The following ACSL5 variants were observed in gnomAD, a reference collection of about 807,000 sequenced individuals.
The protein encoded by ACSL5 is long-chain-fatty-acid--CoA ligase 5.
In ACSL5, 50 loss-of-function variants were observed where a neutral mutation model predicts 84.9. That is an observed-to-expected ratio of 0.59 (90% CI 0.47 to 0.75). The LOEUF is 0.75. Among genes scored for constraint, ACSL5 ranks in the 30% least tolerant of loss-of-function variants. The probability of loss-of-function intolerance (pLI) is 0.00; values close to 1 mark genes in which losing one functional copy is unlikely to be tolerated. For missense variants in ACSL5, 775 were observed against 830.4 expected (o/e 0.93, Z 0.82); for synonymous variants, 280 against 300.7 (o/e 0.93, Z 0.71).
chr10:112,421,809 A>T lies in ACSL5; in HGVS notation c.1388-138A>T. On this transcript the variant is annotated intron_variant, in intron 15 of 20. Transcript: ENST00000354655. ...TCAAGTTTTGGGTCCAGGCCTGCCT[A>T]TCTTGGCTAGTCTGCATTGGTGCCA... 3 of 1,281,610 alleles carry T rather than the reference A, an allele frequency of 2.3e-6. No individual in the cohort carries two copies. In the South Asian group the frequency reaches 3.7e-5, roughly 16 times the overall value. 79.4% of individuals were successfully genotyped at this position (1,281,610 alleles called of 1,614,324 possible).
At chr10:112,388,282 C>G (rs1398574661) in intron 1 of ACSL5, among the ~76,000 whole-genome samples, 1 of 152,120 alleles carries the variant, frequency 6.6e-6, no homozygotes, top group African/African-American at 2.4e-5. Context: ...CCTACTTATC[C>G]CATGTAGATA....
intron 5 of ACSL5, among the ~76,000 whole-genome samples, chr10:112,405,882 A>C (rs1157531337): frequency 6.6e-6 from 1 of 152,180 alleles, no homozygotes; most frequent in African/African-American, 2.4e-5. Context: ...TGTATATACT[A>C]TTCATTAGGT....
At chr10:112,383,403 A>C (rs916644411) in intron 1 of ACSL5, among the ~76,000 whole-genome samples, 1 of 152,222 alleles carries the variant, frequency 6.6e-6, no homozygotes, top group South Asian at 2.1e-4. Flanking sequence ...AATGGCTGGG[A>C]AGTTATCAGC....
intron 19 of ACSL5, 135 bp from the exon 20 acceptor site, chr10:112,426,653 A>G (rs1336415138): frequency 2.6e-6 from 2 of 757,986 alleles, no homozygotes; most frequent in Non-Finnish European, 4.5e-6. Flanking sequence ...TATTGGGCAT[A>G]TAATGTGCTT....
At chr10:112,376,306 C>T in intron 1 of ACSL5, 1 of 1,614,156 alleles carries the variant, frequency 6.2e-7, no homozygotes, top group Non-Finnish European at 8.5e-7. Flanking sequence ...GGCCTTCTGC[C>T]TGCATGGACG....
chr10:112,414,659 G>A (rs562039912), intron 12 of ACSL5, among the ~76,000 whole-genome samples: 2 of 152,114 alleles, frequency 1.3e-5, no homozygotes, highest in Admixed American at 6.5e-5. Flanking sequence ...CTGCCCCATC[G>A]TGGCAGTTGG....
intron 4 of ACSL5, 31 bp from the exon 5 acceptor site, chr10:112,404,674 C>T: frequency 6.2e-7 from 1 of 1,606,778 alleles, no homozygotes; most frequent in Middle Eastern, 1.7e-4. Context: ...CCTCTTCTCT[C>T]TCTCTCTCAC....
At position 112,409,738 on chromosome 10, in the gene ACSL5, C is replaced by A. The variant is rs1308278998; in HGVS notation, c.711+53C>A. 4 of 1,574,666 alleles carry A rather than the reference C, an allele frequency of 2.5e-6. No homozygotes were observed. In the Admixed American group the frequency reaches 5.1e-5, roughly 20 times the overall value. On this transcript the variant is annotated intron_variant, in intron 7 of 20. Coordinates refer to ENST00000354655, the MANE Select transcript of ACSL5 (RefSeq NM_203379.2). Reference sequence around the variant, plus strand: ...TCCAATGCTTGTCCAACACCTTGGGCAACTTGCAAGATACCTTCCCAAGAG... The same window carrying A: ...TCCAATGCTTGTCCAACACCTTGGGAAACTTGCAAGATACCTTCCCAAGAG...
intron 1 of ACSL5, among the ~76,000 whole-genome samples, chr10:112,389,682 C>T (rs1326389117): frequency 6.6e-6 from 1 of 152,120 alleles, no homozygotes; most frequent in Non-Finnish European, 1.5e-5. Context: ...TCACACAGGA[C>T]GTGTGACAAA....
intron 14 of ACSL5, 88 bp from the exon 15 acceptor site, chr10:112,421,505 C>A: frequency 8.3e-7 from 1 of 1,198,850 alleles, no homozygotes. Flanking sequence ...CCCTTAGAGA[C>A]CTTGCTTTCC....
At chr10:112,417,130 C>T in intron 13 of ACSL5, 108 bp downstream of exon 13, 1 of 1,285,150 alleles carries the variant, frequency 7.8e-7, no homozygotes, top group Non-Finnish European at 1.1e-6. Flanking sequence ...AACTAGAGAT[C>T]CTTTCAGACT....
At chr10:112,400,406 C>T (rs75896313) in intron 3 of ACSL5, among the ~76,000 whole-genome samples, 77 of 98,858 alleles carry the variant, frequency 7.8e-4, no homozygotes, top group South Asian at 1.5e-3. Context: ...TTTTTCTTTT[C>T]TTTTTTTTTT....
intron 3 of ACSL5, among the ~76,000 whole-genome samples, chr10:112,404,180 T>C (rs1010613894): frequency 6.6e-6 from 1 of 152,274 alleles, no homozygotes; most frequent in African/African-American, 2.4e-5. Context: ...TTGTGTTTAC[T>C]TGTAGGCTTT....
At chr10:112,419,975 G>C (rs1467414228) in intron 14 of ACSL5, 1 of 152,136 alleles carries the variant, frequency 6.6e-6, no homozygotes, top group Non-Finnish European at 1.5e-5. Flanking sequence ...TGGATAATTA[G>C]TTCATTCATT....
intron 2 of ACSL5, among the ~76,000 whole-genome samples, 167 bp downstream of exon 2, chr10:112,395,269 C>T (rs1336025647): frequency 6.6e-6 from 1 of 152,188 alleles, no homozygotes; most frequent in Admixed American, 6.5e-5. Flanking sequence ...ATTACTGGCA[C>T]ATTTTCTTTT....
In ACSL5 at chr10:112,427,670, AG is replaced by A; in HGVS notation, c.*313del. The A allele has an allele frequency of 5.4e-6, 1 of 185,690 alleles. No homozygotes were observed. The highest frequency in any genetic ancestry group is 2.1e-3 in the Middle Eastern group (1 of 478). 11.5% of individuals were successfully genotyped at this position (185,690 alleles called of 1,614,324 possible). On this transcript the variant is annotated 3_prime_UTR_variant, in exon 21 of 21. Transcript: ENST00000354655. ...CATGATTTCCAACCTTAATACTATT[AG>A]TAACCACAAGTTCAAGGGTCAAAGG...
chr10:112,411,623 CACAT>C (rs1844180039), intron 10 of ACSL5, 94 bp downstream of exon 10: 23 of 1,044,828 alleles, frequency 2.2e-5, no homozygotes, highest in Admixed American at 4.1e-5. Context: ...CACACACACA[CACAT>C]ACACACACAC....
intron 3 of ACSL5, among the ~76,000 whole-genome samples, chr10:112,403,757 C>A (rs11195948): frequency 6.6e-6 from 1 of 152,004 alleles, no homozygotes; most frequent in African/African-American, 2.4e-5. Flanking sequence ...ATTTTAGGGG[C>A]TCTATTCTAA....
intron 5 of ACSL5, 70 bp downstream of exon 5, chr10:112,404,876 C>A: frequency 7.5e-7 from 1 of 1,334,486 alleles, no homozygotes; most frequent in Non-Finnish European, 1.1e-6. Context: ...TGCTATTCCC[C>A]GTCCAGCATT....
Sources: allele counts gnomAD v4.1 joint callset (sites outside exome capture counted in the v4.1 genomes callset), GRCh38; gene constraint gnomAD v4.1.1; transcripts MANE v1.5; gene names NCBI Gene and HGNC (gene_info 2026-07-23, HGNC 2026-07-21).